TMEM132C: variants seen among roughly 807,000 people sequenced by gnomAD.
TMEM132C encodes the protein transmembrane protein 132C.
In TMEM132C, 29 loss-of-function variants were observed where a neutral mutation model predicts 61.4. The observed-to-expected ratio is 0.47, with a 90% CI of 0.35 to 0.64. TMEM132C has a LOEUF of 0.64. Among genes scored for constraint, TMEM132C ranks in the 30% least tolerant of loss-of-function variants. The pLI, the probability that TMEM132C is intolerant of heterozygous loss-of-function variation, is 0.00. For missense variants in TMEM132C, 1,408 were observed against 1,476.9 expected, an observed-to-expected ratio of 0.95 and a Z score of 0.76; for synonymous variants, 656 against 633.1, an observed-to-expected ratio of 1.04 and a Z score of -0.54.
chr12:128,542,731 G>C (rs201742422), intron 2 of TMEM132C, among the ~76,000 whole-genome samples: 1 of 147,174 alleles, frequency 6.8e-6, no homozygotes, highest in Non-Finnish European at 1.5e-5. Context: ...CGTGGTGGCA[G>C]GTGCCTGTAG....
At chr12:128,597,202 A>T (rs952772723) in intron 3 of TMEM132C, among the ~76,000 whole-genome samples, 2 of 152,242 alleles carry the variant, frequency 1.3e-5, no homozygotes, top group African/African-American at 4.8e-5. Flanking sequence ...AGCTGGGGAC[A>T]TGCACAGTGG....
intron 1 of TMEM132C, among the ~76,000 whole-genome samples, chr12:128,275,229 G>A (rs1036126823): frequency 6.6e-5 from 10 of 152,188 alleles, no homozygotes; most frequent in Non-Finnish European, 1.3e-4. Context: ...CAGAGCAGGA[G>A]GTGAGTGATG....
intron 1 of TMEM132C, among the ~76,000 whole-genome samples, chr12:128,398,246 G>A (rs962234541): frequency 3.3e-5 from 5 of 152,230 alleles, no homozygotes; most frequent in Non-Finnish European, 7.3e-5. Flanking sequence ...TTTCCACGAT[G>A]CTAGCTGTAC....
chr12:128,370,092 C>T (rs895195714), intron 1 of TMEM132C, among the ~76,000 whole-genome samples: 7 of 152,280 alleles, frequency 4.6e-5, no homozygotes, highest in South Asian at 2.1e-4. Context: ...ACCTGCTTAT[C>T]GTACACCATT....
chr12:128,582,229 C>T lies in TMEM132C; in HGVS notation c.1122-33923C>T, dbSNP rs60947938. ...TCACTGGAAAGGAAATAAAAATTGC[C>T]ATTAAACCTGGGAAAAGATATTCAT... is the stretch of plus-strand genomic sequence containing the variant. On this transcript the variant is annotated intron_variant, in intron 3 of 8. Coordinates refer to ENST00000435159, the MANE Select transcript of TMEM132C (RefSeq NM_001136103.3). Among the ~76,000 whole-genome samples, 65 of 152,258 alleles carry T rather than the reference C, an allele frequency of 4.3e-4. No homozygotes were observed. In the East Asian group the frequency reaches 0.012, roughly 28 times the overall value.
intron 3 of TMEM132C, among the ~76,000 whole-genome samples, chr12:128,550,651 C>G (rs542467468): frequency 6.6e-6 from 1 of 152,316 alleles, no homozygotes; most frequent in African/African-American, 2.4e-5. Flanking sequence ...TTAGAGCCCC[C>G]TCTTAGGACT....
intron 3 of TMEM132C, among the ~76,000 whole-genome samples, chr12:128,567,919 G>A (rs1402899016): frequency 6.6e-6 from 1 of 152,222 alleles, no homozygotes; most frequent in African/African-American, 2.4e-5. Context: ...GCCATGTGCT[G>A]CACCGTGGGA....
At chr12:128,462,494 G>T (rs539044403) in intron 2 of TMEM132C, among the ~76,000 whole-genome samples, 4 of 152,168 alleles carry the variant, frequency 2.6e-5, no homozygotes, top group Admixed American at 6.5e-5. Context: ...TTTATTTCTG[G>T]TTTTCCCAAA....
intron 1 of TMEM132C, among the ~76,000 whole-genome samples, chr12:128,273,558 T>G (rs1292835603): frequency 6.6e-6 from 1 of 152,170 alleles, no homozygotes; most frequent in Non-Finnish European, 1.5e-5. Context: ...TTCATCTATT[T>G]GTATTAAGAT....
chr12:128,646,398 T>C (rs551130568), intron 4 of TMEM132C, among the ~76,000 whole-genome samples: 142 of 151,402 alleles, frequency 9.4e-4, no homozygotes, highest in Non-Finnish European at 1.6e-3. Flanking sequence ...TGAGTGTGTT[T>C]ACTAGATCCC....
intron 1 of TMEM132C, among the ~76,000 whole-genome samples, chr12:128,283,856 C>T (rs11059623): frequency 0.013 from 2,014 of 152,284 alleles, 47 homozygotes; most frequent in East Asian, 0.085. Context: ...TGCCACTCCT[C>T]TGACCCCCTG....
intron 1 of TMEM132C, among the ~76,000 whole-genome samples, chr12:128,378,741 T>A (rs1874303680): frequency 1.3e-5 from 2 of 152,096 alleles, no homozygotes; most frequent in African/African-American, 4.8e-5. Context: ...GCAAGAAGGT[T>A]GAGGTGATAC....
At chr12:128,445,769 C>G (rs1869960373) in intron 2 of TMEM132C, among the ~76,000 whole-genome samples, 1 of 152,218 alleles carries the variant, frequency 6.6e-6, no homozygotes, top group African/African-American at 2.4e-5. Flanking sequence ...ATAAGAGTAA[C>G]TGTCCATAAT....
At chr12:128,631,997 G>T (rs193302292) in intron 4 of TMEM132C, among the ~76,000 whole-genome samples, 8 of 152,270 alleles carry the variant, frequency 5.3e-5, no homozygotes, top group Non-Finnish European at 1.2e-4. Flanking sequence ...GAGTGGGGAT[G>T]GGGGGAAGGG....
At chr12:128,457,081 A>C (rs1213202643) in intron 2 of TMEM132C, among the ~76,000 whole-genome samples, 1 of 152,194 alleles carries the variant, frequency 6.6e-6, no homozygotes, top group Non-Finnish European at 1.5e-5. Context: ...GCTATTATGC[A>C]TAAAGCTGCT....
At chr12:128,609,005 G>A (rs1039247722) in intron 3 of TMEM132C, among the ~76,000 whole-genome samples, 1 of 151,778 alleles carries the variant, frequency 6.6e-6, no homozygotes, top group African/African-American at 2.4e-5. Flanking sequence ...TGGCTTGTTT[G>A]GGTTTTTAGT....
intron 5 of TMEM132C, among the ~76,000 whole-genome samples, chr12:128,675,871 AG>A (rs1229113813): frequency 8.1e-5 from 10 of 123,296 alleles, no homozygotes; most frequent in Non-Finnish European, 1.6e-4. Flanking sequence ...ATAGATAGAT[AG>A]ATAGATAGAT....
At chr12:128,636,208 C>T (rs778031657) in intron 4 of TMEM132C, among the ~76,000 whole-genome samples, 2 of 151,732 alleles carry the variant, frequency 1.3e-5, no homozygotes, top group Non-Finnish European at 2.9e-5. Context: ...GCATCACCAC[C>T]ACCAGCTAAT....
chr12:128,399,709 G>T (rs1026969719), intron 1 of TMEM132C, among the ~76,000 whole-genome samples: 1 of 151,980 alleles, frequency 6.6e-6, no homozygotes, highest in Admixed American at 6.6e-5. Context: ...TCAGGGGTCC[G>T]CACACTATGG....
Sources: gnomAD v4.1 joint callset for allele counts (sites outside exome capture counted in the v4.1 genomes callset) on GRCh38, gnomAD v4.1.1 for gene constraint, MANE v1.5 for transcripts, NCBI Gene and HGNC (gene_info 2026-07-23, HGNC 2026-07-21) for gene names.